The following A3GALT2 variants were observed in gnomAD, a reference collection of about 807,000 sequenced individuals.
The protein encoded by A3GALT2 is alpha-1,3-galactosyltransferase 2.
A neutral mutation model predicts 16.6 loss-of-function variants in A3GALT2; 14 were observed. The ratio of observed to expected loss-of-function variants is 0.84; its 90% CI spans 0.56 to 1.32. The LOEUF (loss-of-function observed/expected upper bound fraction) is 1.32. Among genes scored for constraint, A3GALT2 ranks in the 40% most tolerant of loss-of-function variants. A3GALT2 has a pLI of 0.00. For synonymous variants in A3GALT2, 253 were observed against 218.0 expected, an observed-to-expected ratio of 1.16 and a Z score of -1.42; for missense variants, 600 against 490.9, an observed-to-expected ratio of 1.22 and a Z score of -2.10.
intron 4 of A3GALT2, among the ~76,000 whole-genome samples, chr1:33,308,402 A>G (rs928722368): frequency 2.6e-5 from 4 of 151,938 alleles, no homozygotes; most frequent in African/African-American, 9.7e-5. Flanking sequence ...TGAATTACTG[A>G]CACACAGAAT....
At chr1:33,316,038 G>A (rs183589992) in intron 1 of A3GALT2, among the ~76,000 whole-genome samples, 9 of 152,310 alleles carry the variant, frequency 5.9e-5, no homozygotes, top group Admixed American at 3.3e-4. Context: ...ATGCTATGAG[G>A]CAAATTGGAG....
chr1:33,308,975 C>G (rs182709020), intron 4 of A3GALT2, among the ~76,000 whole-genome samples: 8 of 151,284 alleles, frequency 5.3e-5, no homozygotes, highest in East Asian at 1.9e-4. Context: ...TGACTCTTAA[C>G]GAGCATGCTG....
At chr1:33,318,955 T>G (rs895365066) in intron 1 of A3GALT2, among the ~76,000 whole-genome samples, 5 of 152,242 alleles carry the variant, frequency 3.3e-5, no homozygotes, top group African/African-American at 1.2e-4. Context: ...CCAAGTTGAC[T>G]GGTACTCCTT....
chr1:33,308,480 A>G (rs1374596699), intron 4 of A3GALT2, among the ~76,000 whole-genome samples: 1 of 152,028 alleles, frequency 6.6e-6, no homozygotes, highest in Admixed American at 6.6e-5. Context: ...ATCTCAGCTC[A>G]CTACAACCTC....
At chr1:33,309,379 G>T (rs1031887046) in intron 4 of A3GALT2, among the ~76,000 whole-genome samples, 4 of 150,818 alleles carry the variant, frequency 2.7e-5, no homozygotes, top group Non-Finnish European at 4.4e-5. Flanking sequence ...CAGACGGGGG[G>T]CTGGCCGGGC....
In A3GALT2 at chr1:33,307,233, C is replaced by A; in HGVS notation, c.556G>T (p.Gly186Trp). ...AAGTGCGCCTCGCGGCCCGGCAGCC[C>A]GCCCAGCGCCGCGTGCAACGTGCGC... ...RMRTLHAALG[G>W]LPGREAHFMF... The change falls in exon 5 of 5, where the codon GGG (glycine) becomes TGG (tryptophan). Residue 186 changes from glycine to tryptophan, a missense_variant. Coordinates refer to ENST00000442999, the MANE Select transcript of A3GALT2 (RefSeq NM_001080438.1). 4.0e-6 allele frequency: 6 copies of A among 1,485,646 alleles called. No homozygotes were observed. The highest frequency in any genetic ancestry group is 1.5e-5 in the African/African-American group (1 of 68,558). The allele number at this position is 1,485,646 out of a possible 1,614,324, so 92.0% of individuals were successfully genotyped here.
rs759331515 is a variant in A3GALT2 at position 33,306,967 on chromosome 1, C to CCCCGCACAGTGCGCCGTCAG, written c.802_821dup (p.Gly275Ter). ...CGCGCGCGCGGTCCCAGTCCAGGCCCCCCGCACAGTGCGCCGTCAGCCCGC... is the reference window on the plus strand; with the variant it reads ...CGCGCGCGCGGTCCCAGTCCAGGCCCCCCGCACAGTGCGCCGTCAGCCCGCACAGTGCGCCGTCAGCCCGC... On this transcript the variant is annotated stop_gained and frameshift_variant, in exon 5 of 5. Transcript: ENST00000442999. LOFTEE classifies it low-confidence loss of function (END_TRUNC). 9.0e-5 allele frequency: 134 copies of CCCCGCACAGTGCGCCGTCAG among 1,492,910 alleles called. 1 individual carries two copies. The East Asian group carries it at 2.0e-3, about 22-fold the overall frequency. The allele number at this position is 1,492,910 out of a possible 1,614,324, so 92.5% of individuals were successfully genotyped here.
At chr1:33,307,582 C>T (rs1646202537) in intron 4 of A3GALT2, 129 bp from the exon 5 acceptor site, 1 of 529,158 alleles carries the variant, frequency 1.9e-6, no homozygotes, top group Non-Finnish European at 2.8e-6. Flanking sequence ...CCACTCCCAC[C>T]CCACCCTCAC....
rs772998925 is a variant in A3GALT2 at position 33,307,311 on chromosome 1, C to G, written c.478G>C (p.Val160Leu). The G allele has an allele frequency of 3.3e-5, 50 of 1,495,158 alleles. No individual in the cohort carries two copies. Among genetic ancestry groups the G allele is most frequent in the Middle Eastern group, 1.8e-4 (1 of 5,590 alleles). 92.6% of individuals were successfully genotyped at this position (1,495,158 alleles called of 1,614,324 possible). ...CGCCGCTCGCGCGCCACGCGCTCCACGGGCAGCCGGCGTCCCGGGCCCAGC... is the reference window on the plus strand; with the variant it reads ...CGCCGCTCGCGCGCCACGCGCTCCAGGGGCAGCCGGCGTCCCGGGCCCAGC... ...VALGPGRRLPVERVARERRWQ... is the reference protein window; with the variant it reads ...VALGPGRRLPLERVARERRWQ... The change falls in exon 5 of 5, where the codon GTG becomes CTG. Residue 160 changes from valine to leucine, a missense_variant. By Grantham distance (32) the Val-to-Leu change is conservative (BLOSUM62 1). Coordinates refer to ENST00000442999, the MANE Select transcript of A3GALT2 (RefSeq NM_001080438.1).
chr1:33,319,915 C>T (rs532534670), intron 1 of A3GALT2, among the ~76,000 whole-genome samples: 4 of 152,132 alleles, frequency 2.6e-5, no homozygotes, highest in Non-Finnish European at 4.4e-5. Context: ...AGGCATTTGC[C>T]ATTCCTGTTT....
intron 4 of A3GALT2, 50 bp from the exon 5 acceptor site, chr1:33,307,503 G>A (rs1488422345): frequency 2.2e-6 from 3 of 1,394,268 alleles, no homozygotes; most frequent in African/African-American, 3.1e-5. Context: ...AGGCGGGCCC[G>A]GCCTCCCCAC....
chr1:33,307,522 A>G, intron 4 of A3GALT2, 69 bp from the exon 5 acceptor site: 1 of 1,213,696 alleles, frequency 8.2e-7, no homozygotes, highest in Admixed American at 3.7e-5. Context: ...ACCTCATCTC[A>G]CCTCTACTCC....
At chr1:33,311,336 A>T (rs1340208590) in intron 4 of A3GALT2, among the ~76,000 whole-genome samples, 1 of 151,854 alleles carries the variant, frequency 6.6e-6, no homozygotes, top group Non-Finnish European at 1.5e-5. Flanking sequence ...TGTTCCCTTC[A>T]CAGTTACCTG....
chr1:33,308,750 GTTTTTTTTTTTTTTTTTTTTTTTT>G (rs56655319), intron 4 of A3GALT2, among the ~76,000 whole-genome samples: 7 of 46,132 alleles, frequency 1.5e-4, no homozygotes, highest in African/African-American at 8.6e-4. Context: ...TGTCAAAGTT[GTTTTTTTTTTTTTTTTTTTTTTTT>G]TTTTTTAGTA....
intron 1 of A3GALT2, among the ~76,000 whole-genome samples, chr1:33,315,304 C>T (rs1444708669): frequency 6.6e-6 from 1 of 150,600 alleles, no homozygotes; most frequent in East Asian, 2.0e-4. Context: ...ATCACTTGAA[C>T]TTGGGAGGCG....
rs1646218445 is a variant in A3GALT2 at position 33,308,940 on chromosome 1, G to A, written c.336-1487C>T. On this transcript the variant is annotated intron_variant, in intron 4 of 4. Transcript: ENST00000442999. ...GCCTTCTGCACTGTTTGTGTCCCTG[G>A]GTACTTGAGATTAGGGAGCGGTGAT... Among the ~76,000 whole-genome samples the A allele has an allele frequency of 1.3e-5, 2 of 151,532 alleles. 1 individual carries two copies. Among genetic ancestry groups the A allele is most frequent in the South Asian group, 4.2e-4 (2 of 4,818 alleles).
chr1:33,307,568 A>AC, intron 4 of A3GALT2, 115 bp from the exon 5 acceptor site: 1 of 465,676 alleles, frequency 2.1e-6, no homozygotes, highest in Non-Finnish European at 2.8e-6. Flanking sequence ...CCCCACCCTC[A>AC]CCCCCACTCC....
chr1:33,316,135 T>C (rs1445566007), intron 1 of A3GALT2, among the ~76,000 whole-genome samples: 1 of 152,054 alleles, frequency 6.6e-6, no homozygotes, highest in African/African-American at 2.4e-5. Context: ...TAAAAAATTA[T>C]TAATAGAAGT....
At chr1:33,309,951 G>C (rs933631825) in intron 4 of A3GALT2, among the ~76,000 whole-genome samples, 1 of 152,252 alleles carries the variant, frequency 6.6e-6, no homozygotes, top group Non-Finnish European at 1.5e-5. Context: ...GCCAAGGCAG[G>C]CAGCTGGTAG....
Sources: allele counts gnomAD v4.1 joint callset (sites outside exome capture counted in the v4.1 genomes callset), GRCh38; gene constraint gnomAD v4.1.1; transcripts MANE v1.5; gene names NCBI Gene and HGNC (gene_info 2026-07-23, HGNC 2026-07-21).